The following FEZ1 variants were observed in gnomAD, a reference collection of about 807,000 sequenced individuals.
FEZ1 encodes the protein fasciculation and elongation protein zeta 1, also known as fasciculation and elongation protein zeta-1.
In FEZ1, 20 loss-of-function variants were observed where a neutral mutation model predicts 49.3. That is an observed-to-expected ratio of 0.41 (90% CI 0.29 to 0.59). FEZ1 has a LOEUF of 0.59. Among genes scored for constraint, FEZ1 ranks in the 20% least tolerant of loss-of-function variants. The probability of loss-of-function intolerance (pLI) is 0.36; values close to 1 mark genes in which losing one functional copy is unlikely to be tolerated. For missense variants in FEZ1, 413 were observed against 476.0 expected, an observed-to-expected ratio of 0.87 and a Z score of 1.23; for synonymous variants, 170 against 180.9, an observed-to-expected ratio of 0.94 and a Z score of 0.48.
intron 3 of FEZ1, among the ~76,000 whole-genome samples, chr11:125,479,142 T>A (rs1213407907): frequency 1.3e-5 from 2 of 152,174 alleles, no homozygotes; most frequent in African/African-American, 2.4e-5. Flanking sequence ...AAAGTCATCA[T>A]CTCACTTGCT....
Position 125,495,688 on chromosome 11 carries a change from G to A in FEZ1, c.-46+433C>T. 1 of 374,778 alleles carries A rather than the reference G, an allele frequency of 2.7e-6. No individual in the cohort carries two copies. The highest frequency in any genetic ancestry group is 5.4e-6 in the Non-Finnish European group (1 of 185,392). The allele number at this position is 374,778 out of a possible 1,614,324, so 23.2% of individuals were successfully genotyped here. ...GACCAGATAACGGTCCCGGGACGAG[G>A]TACCGACCCACTGCCCCAGCGCGAT... On this transcript the variant is annotated intron_variant, in intron 1 of 9. Coordinates refer to ENST00000278919, the MANE Select transcript of FEZ1 (RefSeq NM_005103.5). This position sits in a 1 kb window ranked among gnomAD's most constrained non-coding sequence, Gnocchi z 4.2.
At position 125,481,555 on chromosome 11, in the gene FEZ1, A is replaced by G. The variant is rs370378622; in HGVS notation, c.390T>C (p.Asn130=). 9.9e-6 allele frequency: 16 copies of G among 1,612,182 alleles called. No individual in the cohort carries two copies. The highest frequency in any genetic ancestry group is 1.4e-5 in the Non-Finnish European group (16 of 1,178,484). The change falls in exon 3 of 10, where the codon AAT becomes AAC. Residue 130 remains asparagine (N), a synonymous_variant. Transcript: ENST00000278919. ...DWRDPNIEAL[N]GNCSDTEIHE... is the part of the protein sequence containing the mutation. ...GTACCTCAGTGTCAGAGCAGTTGCC[A>G]TTCAGAGCCTCGATGTTTGGATCCC...
chr11:125,476,466 A>G (rs1957235024), intron 3 of FEZ1, among the ~76,000 whole-genome samples: 1 of 151,742 alleles, frequency 6.6e-6, no homozygotes, highest in South Asian at 2.1e-4. Flanking sequence ...TAGAAATAAT[A>G]AATCTTCAGA....
chr11:125,459,507 G>A (rs1277677297), intron 5 of FEZ1, among the ~76,000 whole-genome samples: 2 of 151,830 alleles, frequency 1.3e-5, no homozygotes, highest in Non-Finnish European at 2.9e-5. Flanking sequence ...CAGGAGAATC[G>A]CGTGAAGCTG....
intron 3 of FEZ1, among the ~76,000 whole-genome samples, chr11:125,477,151 T>A (rs554375796): frequency 6.6e-6 from 1 of 152,206 alleles, no homozygotes; most frequent in Admixed American, 6.5e-5. Flanking sequence ...AAATTATGAT[T>A]TTTAACATTT....
intron 1 of FEZ1, among the ~76,000 whole-genome samples, chr11:125,493,866 A>G (rs1424323893): frequency 1.3e-5 from 2 of 152,212 alleles, no homozygotes; most frequent in East Asian, 3.9e-4. Context: ...GAAATGACAC[A>G]GTCTATATGA....
rs768128287 is a variant in FEZ1, at chr11:125,460,632, G to A, written c.533C>T (p.Ser178Phe). ...IEEIEEMMQN[S>F]PDPEEEEEVL... ...CTCCTCTTCTTCCTCAGGGTCTGGG[G>A]AGTTCTGCATCATTTCCTCAATCTC... Residue 178 changes from serine (S) to phenylalanine (F), a missense_variant, in exon 5 of 10, where the codon TCC (serine) becomes TTC (phenylalanine). Ser to Phe is a radical substitution (Grantham distance 155). Transcript: ENST00000278919. The A allele has an allele frequency of 6.2e-7, 1 of 1,614,076 alleles. No individual in the cohort carries two copies. The highest frequency in any genetic ancestry group is 8.5e-7 in the Non-Finnish European group (1 of 1,179,992).
At chr11:125,487,665 G>C (rs1436254749) in intron 2 of FEZ1, among the ~76,000 whole-genome samples, 1 of 152,104 alleles carries the variant, frequency 6.6e-6, no homozygotes, top group Non-Finnish European at 1.5e-5. Context: ...CTTCCGGCCA[G>C]CATTAATTAA....
At position 125,444,798 on chromosome 11, in the gene FEZ1, C is replaced by G. The variant is rs1200785180; in HGVS notation, c.*1297G>C. 6.6e-6 allele frequency among the ~76,000 whole-genome samples: 1 copy of G among 152,204 alleles called. No individual in the cohort carries two copies. Among genetic ancestry groups the G allele is most frequent in the Non-Finnish European group, 1.5e-5 (1 of 68,042 alleles). The stretch of plus-strand genomic sequence containing the variant: ...CCTAAATGCCAGCCTGACTCTACCA[C>G]TTCCTACACAGCCTTGGGCGAGCTA... On this transcript the variant is annotated 3_prime_UTR_variant, in exon 10 of 10. Transcript: ENST00000278919.
Position 125,444,283 on chromosome 11 carries a change from C to A in FEZ1, c.*1812G>T, listed in dbSNP as rs986283769. On this transcript the variant is annotated 3_prime_UTR_variant, in exon 10 of 10. Coordinates refer to ENST00000278919, the MANE Select transcript of FEZ1 (RefSeq NM_005103.5). ...CCTAGCTAAGATTGCTAGTGTTCTG[C>A]TTCTGGAAAAGCAGAAGCCGAGCTA... is the stretch of plus-strand genomic sequence containing the variant. 6.6e-6 allele frequency among the ~76,000 whole-genome samples: 1 copy of A among 152,178 alleles called. No homozygotes were observed. Among genetic ancestry groups the A allele is most frequent in the Non-Finnish European group, 1.5e-5 (1 of 68,024 alleles).
rs1428485516 is a variant in FEZ1 at position 125,443,979 on chromosome 11, T to C, written c.*2116A>G. Among the ~76,000 whole-genome samples the C allele has an allele frequency of 1.3e-5, 2 of 152,258 alleles. No homozygotes were observed. Among genetic ancestry groups the C allele is most frequent in the African/African-American group, 4.8e-5 (2 of 41,460 alleles). Reference sequence around the variant, plus strand: ...GGAAGAAAAGCTCTCAGGAATTCACTGCTTCCCCTTTGCTGAGGCTGGTGA... The same window carrying C: ...GGAAGAAAAGCTCTCAGGAATTCACCGCTTCCCCTTTGCTGAGGCTGGTGA... On this transcript the variant is annotated 3_prime_UTR_variant, in exon 10 of 10. Coordinates refer to ENST00000278919, the MANE Select transcript of FEZ1 (RefSeq NM_005103.5).
rs1035609030 is a variant in FEZ1, at chr11:125,463,519, C to T, written c.463G>A (p.Gly155Ser). The change falls in exon 4 of 10, where the codon GGT becomes AGT. Residue 155 changes from glycine to serine, a missense_variant. Transcript: ENST00000278919. ...EFNEKSENDS[G>S]INEEPLLTAD... Reference sequence around the variant, plus strand: ...GTGAGCAGAGGCTCCTCGTTGATACCGGAATCATTTTCACTCTTCTCATTG... The same window carrying T: ...GTGAGCAGAGGCTCCTCGTTGATACTGGAATCATTTTCACTCTTCTCATTG... 12 of 1,610,702 alleles carry T rather than the reference C, an allele frequency of 7.5e-6. No individual in the cohort carries two copies. The highest frequency in any genetic ancestry group is 3.3e-5 in the South Asian group (3 of 91,014).
At position 125,444,818 on chromosome 11, in the gene FEZ1, G is replaced by A. The variant is rs768551248; in HGVS notation, c.*1277C>T. Among the ~76,000 whole-genome samples, 3 of 152,184 alleles carry A rather than the reference G, an allele frequency of 2.0e-5. No individual in the cohort carries two copies. The highest frequency in any genetic ancestry group is 4.4e-5 in the Non-Finnish European group (3 of 68,034). ...TACCACTTCCTACACAGCCTTGGGC[G>A]AGCTACTGAACATCTCTGCTGCTTG... On this transcript the variant is annotated 3_prime_UTR_variant, in exon 10 of 10. Coordinates refer to ENST00000278919, the MANE Select transcript of FEZ1 (RefSeq NM_005103.5).
Position 125,445,423 on chromosome 11 carries a change from C to A in FEZ1, c.*672G>T, listed in dbSNP as rs964789480. On this transcript the variant is annotated 3_prime_UTR_variant, in exon 10 of 10. Coordinates refer to ENST00000278919, the MANE Select transcript of FEZ1 (RefSeq NM_005103.5). This position sits in a 1 kb window ranked among gnomAD's most constrained non-coding sequence, Gnocchi z 4.4. ...GCAGCTGTGTGGCTCCTCCATGAGG[C>A]CCACTTTCTATCTGCTAATTGCACA... Among the ~76,000 whole-genome samples, 5 of 152,214 alleles carry A rather than the reference C, an allele frequency of 3.3e-5. No homozygotes were observed. The highest frequency in any genetic ancestry group is 9.6e-5 in the African/African-American group (4 of 41,464).
chr11:125,443,915 G>C lies in FEZ1; in HGVS notation c.*2180C>G, dbSNP rs1001583802. On this transcript the variant is annotated 3_prime_UTR_variant, in exon 10 of 10. Transcript: ENST00000278919. Reference sequence around the variant, plus strand: ...CACCTGCTGGCAGGATAAATTGGGGGAAAGGAGTGGCTGACCCAGATCTGA... The same window carrying C: ...CACCTGCTGGCAGGATAAATTGGGGCAAAGGAGTGGCTGACCCAGATCTGA... Among the ~76,000 whole-genome samples the C allele has an allele frequency of 3.9e-5, 6 of 152,184 alleles. No individual in the cohort carries two copies. The highest frequency in any genetic ancestry group is 8.8e-5 in the Non-Finnish European group (6 of 68,042).
chr11:125,472,351 C>A (rs1269819386), intron 3 of FEZ1, among the ~76,000 whole-genome samples: 1 of 151,704 alleles, frequency 6.6e-6, no homozygotes, highest in African/African-American at 2.4e-5. Context: ...TCCCACAGAC[C>A]AGCTGACAAG....
intron 3 of FEZ1, among the ~76,000 whole-genome samples, chr11:125,472,830 G>T (rs1242051076): frequency 6.6e-6 from 1 of 152,050 alleles, no homozygotes; most frequent in African/African-American, 2.4e-5. Flanking sequence ...ATAACTAAGT[G>T]GGGTTTATTT....
chr11:125,486,328 TA>T (rs1957326437), intron 2 of FEZ1, among the ~76,000 whole-genome samples: 6 of 152,162 alleles, frequency 3.9e-5, no homozygotes, highest in African/African-American at 1.4e-4. Flanking sequence ...TTCCATTTTG[TA>T]GTGACCCCTA....
chr11:125,488,577 G>A (rs1479895702), intron 2 of FEZ1: 13 of 225,268 alleles, frequency 5.8e-5, no homozygotes, highest in Non-Finnish European at 9.6e-5. Flanking sequence ...CTACTCAGGA[G>A]GCTGAGGCAG....
Sources: gnomAD v4.1 joint callset for allele counts (sites outside exome capture counted in the v4.1 genomes callset) on GRCh38, gnomAD v4.1.1 for gene constraint, Gnocchi (gnomAD v3.1) non-coding constraint, MANE v1.5 for transcripts, NCBI Gene and HGNC (gene_info 2026-07-23, HGNC 2026-07-21) for gene names.